CEP95: variants seen among roughly 807,000 people sequenced by gnomAD.
CEP95 encodes the protein centrosomal protein 95.
In CEP95, 98 loss-of-function variants were observed where a neutral mutation model predicts 111.2. The observed-to-expected ratio is 0.88, with a 90% CI of 0.75 to 1.04. The LOEUF is 1.04. CEP95 is among the 50% of genes least tolerant of loss of function. CEP95 has a pLI of 0.00. For synonymous variants in CEP95, 323 were observed against 327.1 expected, an observed-to-expected ratio of 0.99 and a Z score of 0.14; for missense variants, 1,027 against 977.2, an observed-to-expected ratio of 1.05 and a Z score of -0.68.
At chr17:64,535,363 T>A (rs974137545) in intron 17 of CEP95, 28 of 156,478 alleles carry the variant, frequency 1.8e-4, no homozygotes, top group African/African-American at 5.8e-4. Context: ...GGAGGACAAG[T>A]GCGCATATCC....
chr17:64,534,636 A>G lies in CEP95; in HGVS notation c.1969A>G (p.Lys657Glu), dbSNP rs782474329. ...RRQRLTQSKI[K>E]ENRQQIVRAR... ...GCAAAGGTTGACCCAATCAAAGATA[A>G]AAGAAAATCGACAGCAAATCGTTCG... The change falls in exon 17 of 20, where the codon AAA becomes GAA. Residue 657 changes from lysine (K) to glutamate (E), a missense_variant. Coordinates refer to ENST00000556440, the MANE Select transcript of CEP95 (RefSeq NM_138363.3). The G allele has an allele frequency of 1.9e-6, 3 of 1,613,934 alleles. No individual in the cohort carries two copies. The highest frequency in any genetic ancestry group is 1.7e-6 in the Non-Finnish European group (2 of 1,179,830).
intron 1 of CEP95, chr17:64,508,142 A>G: frequency 1.0e-6 from 1 of 985,456 alleles, no homozygotes. Context: ...GACTTGCACA[A>G]GATAATTGGG....
chr17:64,524,201 T>TA (rs1967609003), intron 8 of CEP95, among the ~76,000 whole-genome samples: 2 of 152,184 alleles, frequency 1.3e-5, no homozygotes, highest in Non-Finnish European at 2.9e-5. Flanking sequence ...TGGGTGGCAG[T>TA]TAAAGGGGAG....
intron 7 of CEP95, 49 bp downstream of exon 7, chr17:64,521,576 G>A: frequency 6.4e-7 from 1 of 1,568,998 alleles, no homozygotes; most frequent in Non-Finnish European, 8.6e-7. Flanking sequence ...TCATTCTTGG[G>A]GCAATTGTTG....
intron 16 of CEP95, 88 bp from the exon 17 acceptor site, chr17:64,534,497 C>T (rs1014723946): frequency 8.2e-6 from 10 of 1,214,656 alleles, no homozygotes; most frequent in South Asian, 1.4e-5. Flanking sequence ...CTGAAGACAT[C>T]GTGATGGGGA....
chr17:64,507,106 C>G lies in CEP95; in HGVS notation c.9C>G (p.Gly3=), dbSNP rs782223148. The G allele has an allele frequency of 9.0e-6, 14 of 1,551,270 alleles. No individual in the cohort carries two copies. The highest frequency in any genetic ancestry group is 1.2e-5 in the Non-Finnish European group (14 of 1,146,922). The change falls in exon 1 of 20, where the codon GGC becomes GGG. Residue 3 remains glycine (G), a synonymous_variant. Transcript: ENST00000556440. ...CGACCTGCCTCTGAAACATGGCAGG[C>G]TCGGATGCTGGTGAGTGTCTCCCTG... MA[G]SDAEWVTIAN...
At position 64,532,894 on chromosome 17, in the gene CEP95, TTA is replaced by T; in HGVS notation, c.1730_1731del (p.Tyr577CysfsTer18). 5 of 1,613,894 alleles carry T rather than the reference TTA, an allele frequency of 3.1e-6. No individual in the cohort carries two copies. Among genetic ancestry groups the T allele is most frequent in the African/African-American group, 1.3e-5 (1 of 75,040 alleles). ...TTATGCTGGAGCAGTTTCCGTTTCT[TTA>T]TGTTTCTGGCCCAACACTAAGCAAA... ...PLMLEQFPFLYVSGPTLSKMW... is the reference protein window; with the variant it reads ...PLMLEQFPFLXVSGPTLSKMW... On this transcript the variant is annotated frameshift_variant, in exon 15 of 20. Coordinates refer to ENST00000556440, the MANE Select transcript of CEP95 (RefSeq NM_138363.3). LOFTEE classifies it high-confidence loss of function.
rs969643058 is a variant in CEP95, at chr17:64,537,888, A to C, written c.*109A>C. 10 of 532,338 alleles carry C rather than the reference A, an allele frequency of 1.9e-5. No homozygotes were observed. The highest frequency in any genetic ancestry group is 1.6e-4 in the African/African-American group (8 of 51,060). 33.0% of individuals were successfully genotyped at this position (532,338 alleles called of 1,614,324 possible). A position where few individuals can be genotyped will look rare whatever the true frequency, so the allele number is the denominator to read the frequency against. On this transcript the variant is annotated 3_prime_UTR_variant, in exon 20 of 20. Coordinates refer to ENST00000556440, the MANE Select transcript of CEP95 (RefSeq NM_138363.3). ...CAGAAAAATAATTTTCAAATGCTTT[A>C]CCTGTATTTTCATTCCAGTACTTTT...
chr17:64,508,351 C>T lies in CEP95; in HGVS notation c.20-241C>T, dbSNP rs73333920. ...GCTGCAACAGTATCAATTGAATTTGCAGTATAGTTTTGACTATGTAGAAAT... is the reference window on the plus strand; with the variant it reads ...GCTGCAACAGTATCAATTGAATTTGTAGTATAGTTTTGACTATGTAGAAAT... On this transcript the variant is annotated intron_variant, in intron 1 of 19. Transcript: ENST00000556440. The T allele has an allele frequency of 1.0e-3, 1,024 of 984,834 alleles. 1 individual carries two copies. The highest frequency in any genetic ancestry group is 1.2e-3 in the Non-Finnish European group (982 of 829,634). 61.0% of individuals were successfully genotyped at this position (984,834 alleles called of 1,614,324 possible). A position where few individuals can be genotyped will look rare whatever the true frequency, so the allele number is the denominator to read the frequency against.
intron 1 of CEP95, chr17:64,507,838 A>C: frequency 2.0e-6 from 2 of 985,412 alleles, no homozygotes; most frequent in Non-Finnish European, 1.2e-6. Flanking sequence ...GTGCTTTCCT[A>C]CCAATTCCCA....
chr17:64,537,763 A>AAAG lies in CEP95; in HGVS notation c.2451_2453dup (p.Lys817_Ser818insArg). 2 of 1,600,290 alleles carry AAAG rather than the reference A, an allele frequency of 1.2e-6. No homozygotes were observed. Among genetic ancestry groups the AAAG allele is most frequent in the Non-Finnish European group, 1.7e-6 (2 of 1,173,094 alleles). Reference sequence around the variant, plus strand: ...CAGCTGGCTTCCTTTCAGTACAGTAAAAGTCCCTCCCTATGAGGCCAGACT... The same window carrying AAAG: ...CAGCTGGCTTCCTTTCAGTACAGTAAAAGAAGTCCCTCCCTATGAGGCCAGACT... On this transcript the variant is annotated inframe_insertion, in exon 20 of 20. Coordinates refer to ENST00000556440, the MANE Select transcript of CEP95 (RefSeq NM_138363.3).
intron 17 of CEP95, chr17:64,536,277 CATCTCTCCAAAAA>C (rs1968649638): frequency 5.9e-6 from 1 of 169,976 alleles, no homozygotes; most frequent in Admixed American, 6.3e-5. Context: ...AGTGAGACGT[CATCTCTCCAAAAA>C]ATTAAAAATT....
At chr17:64,522,140 C>T (rs774251983) in intron 7 of CEP95, among the ~76,000 whole-genome samples, 26 of 152,062 alleles carry the variant, frequency 1.7e-4, no homozygotes, top group Non-Finnish European at 3.2e-4. Context: ...CGTGAGCTCC[C>T]GCACCCGGCC....
chr17:64,509,161 T>A (rs2038755373), intron 2 of CEP95, among the ~76,000 whole-genome samples: 1 of 152,204 alleles, frequency 6.6e-6, no homozygotes. Context: ...AATTGATGCT[T>A]GTAGATGATG....
At chr17:64,537,205 G>A (rs1555681774) in intron 19 of CEP95, 93 bp downstream of exon 19, 4 of 1,541,130 alleles carry the variant, frequency 2.6e-6, no homozygotes, top group South Asian at 1.2e-5. Context: ...GCAATAGGCT[G>A]TATCATATAG....
Position 64,519,352 on chromosome 17 carries a change from T to G in CEP95, c.505T>G (p.Ser169Ala). ...CTTGTCTTCTGAGATGTTGGGCCCC[T>G]CTTGGGATGGAGATGAAGCAGAATC... ...CSLSSEMLGPSWDGDEAESTG... is the reference protein window; with the variant it reads ...CSLSSEMLGPAWDGDEAESTG... The change falls in exon 6 of 20, where the codon TCT (serine) becomes GCT (alanine). Residue 169 changes from serine (S) to alanine (A), a missense_variant. Coordinates refer to ENST00000556440, the MANE Select transcript of CEP95 (RefSeq NM_138363.3). 6.2e-7 allele frequency: 1 copy of G among 1,613,718 alleles called. No homozygotes were observed. Among genetic ancestry groups the G allele is most frequent in the Non-Finnish European group, 8.5e-7 (1 of 1,179,674 alleles).
intron 14 of CEP95, 87 bp from the exon 15 acceptor site, chr17:64,532,752 A>G: frequency 6.7e-7 from 1 of 1,494,604 alleles, no homozygotes; most frequent in Non-Finnish European, 8.9e-7. Flanking sequence ...AAACCACATC[A>G]CTTACATAAG....
chr17:64,508,886 A>G (rs1442828581), intron 2 of CEP95, among the ~76,000 whole-genome samples, 166 bp downstream of exon 2: 2 of 150,976 alleles, frequency 1.3e-5, no homozygotes, highest in Non-Finnish European at 3.0e-5. Flanking sequence ...ATTAAAATAA[A>G]TATTGTATAT....
chr17:64,527,233 C>T lies in CEP95; in HGVS notation c.1275C>T (p.Ile425=), dbSNP rs782628612. Residue 425 remains isoleucine (I), a synonymous_variant, in exon 11 of 20, where the codon ATC becomes ATT. Transcript: ENST00000556440. ...CACTGTCTCAGCACAGTGATGGCAT[C>T]GTGGAGTATGGGCCAAAGAAGTCAA... ...EETLSQHSDG[I]VEYGPKKSRP... The T allele has an allele frequency of 7.4e-6, 12 of 1,613,026 alleles. No individual in the cohort carries two copies. In the South Asian group the frequency reaches 7.7e-5, roughly 10 times the overall value.
Sources: gnomAD v4.1 joint callset for allele counts (sites outside exome capture counted in the v4.1 genomes callset) on GRCh38, gnomAD v4.1.1 for gene constraint, MANE v1.5 for transcripts, NCBI Gene and HGNC (gene_info 2026-07-23, HGNC 2026-07-21) for gene names.